The following SLC24A2 variants were observed in gnomAD, a reference collection of about 807,000 sequenced individuals.
The protein encoded by SLC24A2 is solute carrier family 24 member 2.
Under a neutral mutation model 62.0 loss-of-function variants are expected in SLC24A2, and 36 were observed. The observed-to-expected ratio is 0.58, with a 90% CI of 0.44 to 0.77. SLC24A2 has a LOEUF of 0.77. Among genes scored for constraint, SLC24A2 ranks in the 30% least tolerant of loss-of-function variants. The pLI, the probability that SLC24A2 is intolerant of heterozygous loss-of-function variation, is 0.00. For missense variants in SLC24A2, 846 were observed against 817.9 expected (o/e 1.03, Z -0.42); for synonymous variants, 358 against 294.0 (o/e 1.22, Z -2.23).
chr9:19,673,028 T>C (rs1055494532), intron 2 of SLC24A2, among the ~76,000 whole-genome samples: 14 of 146,560 alleles, frequency 9.6e-5, no homozygotes, highest in Non-Finnish European at 1.6e-4. Flanking sequence ...GGGTAGAATG[T>C]TCCGTAAATA....
chr9:20,115,320 A>G, the SLC24A2 span, among the ~76,000 whole-genome samples: 1 of 152,098 alleles, frequency 6.6e-6, no homozygotes, highest in South Asian at 2.1e-4. Flanking sequence ...TGGTTAATGG[A>G]GATTTCGGGC....
At chr9:19,986,863 T>G in the SLC24A2 span, among the ~76,000 whole-genome samples, 1 of 152,172 alleles carries the variant, frequency 6.6e-6, no homozygotes, top group African/African-American at 2.4e-5. Flanking sequence ...TAGATAGAGG[T>G]GGTAGTTGCA....
chr9:19,987,902 A>C, the SLC24A2 span, among the ~76,000 whole-genome samples: 3 of 152,016 alleles, frequency 2.0e-5, no homozygotes, highest in Admixed American at 6.6e-5. Flanking sequence ...AATTGTTACC[A>C]CTCCTCATCT....
chr9:20,007,988 T>C, the SLC24A2 span, among the ~76,000 whole-genome samples: 2,689 of 138,914 alleles, frequency 0.019, 92 homozygotes, highest in African/African-American at 0.067. Flanking sequence ...ACCCACCTCC[T>C]GGGTTCAAGC....
At chr9:19,733,963 AG>A (rs1363398330) in intron 2 of SLC24A2, among the ~76,000 whole-genome samples, 3 of 152,194 alleles carry the variant, frequency 2.0e-5, no homozygotes, top group Non-Finnish European at 4.4e-5. Flanking sequence ...GGAATGGAAA[AG>A]AAAGGGGTGG....
chr9:19,939,720 C>T, the SLC24A2 span, among the ~76,000 whole-genome samples: 2 of 152,196 alleles, frequency 1.3e-5, no homozygotes, highest in Admixed American at 1.3e-4. Context: ...GGGAATTTTT[C>T]AGCTTCGTTA....
intron 5 of SLC24A2, among the ~76,000 whole-genome samples, chr9:19,592,450 C>A (rs909283762): frequency 6.6e-6 from 1 of 152,056 alleles, no homozygotes; most frequent in Non-Finnish European, 1.5e-5. Flanking sequence ...TGCTTCATTG[C>A]AAGATATTAG....
At chr9:20,160,227 T>A in the SLC24A2 span, among the ~76,000 whole-genome samples, 1 of 151,440 alleles carries the variant, frequency 6.6e-6, no homozygotes, top group African/African-American at 2.4e-5. Flanking sequence ...AAGCTGCAAT[T>A]GTCAATGAAC....
chr9:19,903,615 A>T, the SLC24A2 span, among the ~76,000 whole-genome samples: 78 of 152,316 alleles, frequency 5.1e-4, 1 homozygote, highest in African/African-American at 1.8e-3. Context: ...AGCTAGCAGG[A>T]AGCACTTTAT....
the SLC24A2 span, among the ~76,000 whole-genome samples, chr9:20,097,031 T>G: frequency 2.6e-5 from 4 of 152,224 alleles, no homozygotes; most frequent in Non-Finnish European, 5.9e-5. Context: ...TACAACCTGA[T>G]TTTCATCCAC....
In SLC24A2 at chr9:19,565,770, TAGACCAATGGAAC is replaced by T. The variant is rs1308853545; in HGVS notation, c.1347+7568_1347+7580del. Reference sequence around the variant, plus strand: ...TGGTACTGGTACCAAAACAGAAATATAGACCAATGGAACAGAACAGAGCCCCCACTAATAATAC... The same window carrying T: ...TGGTACTGGTACCAAAACAGAAATATAGAACAGAGCCCCCACTAATAATAC... On this transcript the variant is annotated intron_variant, in intron 7 of 10. Transcript: ENST00000341998. 2.6e-4 allele frequency among the ~76,000 whole-genome samples: 39 copies of T among 152,188 alleles called. 1 individual carries two copies. The South Asian group carries it at 7.9e-3, about 31-fold the overall frequency.
the SLC24A2 span, among the ~76,000 whole-genome samples, chr9:19,893,758 T>C: frequency 6.6e-6 from 1 of 152,282 alleles, no homozygotes; most frequent in East Asian, 1.9e-4. Context: ...CAAGATTGGC[T>C]AAAACAAAAT....
At chr9:19,731,515 CCGTGTGTG>C (rs1821334700) in intron 2 of SLC24A2, among the ~76,000 whole-genome samples, 1 of 129,322 alleles carries the variant, frequency 7.7e-6, no homozygotes, top group Non-Finnish European at 1.7e-5. Context: ...CTCTCTCTCT[CCGTGTGTG>C]TGTGTGTGTG....
chr9:20,219,280 A>G, the SLC24A2 span, among the ~76,000 whole-genome samples: 1 of 152,156 alleles, frequency 6.6e-6, no homozygotes, highest in Admixed American at 6.5e-5. Context: ...TGCTGACAGT[A>G]TAACACAGGC....
the SLC24A2 span, among the ~76,000 whole-genome samples, chr9:19,981,944 C>G: frequency 6.6e-6 from 1 of 152,168 alleles, no homozygotes; most frequent in Admixed American, 6.6e-5. Context: ...GTCAGATGGT[C>G]AAGCCCAACA....
intron 2 of SLC24A2, among the ~76,000 whole-genome samples, chr9:19,766,188 C>T (rs1488886329): frequency 1.3e-5 from 2 of 152,206 alleles, no homozygotes; most frequent in African/African-American, 4.8e-5. Flanking sequence ...TTCTGGTTAG[C>T]AATTCCTCTA....
the SLC24A2 span, among the ~76,000 whole-genome samples, chr9:20,290,821 A>C: frequency 6.6e-6 from 1 of 152,248 alleles, no homozygotes; most frequent in Non-Finnish European, 1.5e-5. Context: ...TCTTCTGGGC[A>C]AGGGATGGAG....
chr9:19,844,011 A>T, the SLC24A2 span, among the ~76,000 whole-genome samples: 1 of 152,212 alleles, frequency 6.6e-6, no homozygotes. Flanking sequence ...TTTTTGGTAG[A>T]ACAATTTATT....
chr9:19,669,763 T>C (rs1193567423), intron 2 of SLC24A2, among the ~76,000 whole-genome samples: 1 of 152,236 alleles, frequency 6.6e-6, no homozygotes, highest in East Asian at 1.9e-4. Flanking sequence ...TTGTGATGAT[T>C]AGACCCATCT....
Sources: allele counts gnomAD v4.1 joint callset (sites outside exome capture counted in the v4.1 genomes callset), GRCh38; gene constraint gnomAD v4.1.1; transcripts MANE v1.5; gene names NCBI Gene and HGNC (gene_info 2026-07-23, HGNC 2026-07-21).